The following SLC30A8 variants were observed in gnomAD, a reference collection of about 807,000 sequenced individuals.
SLC30A8 encodes the protein solute carrier family 30 member 8.
SLC30A8 carries 27 observed loss-of-function variants against 36.9 expected under a neutral mutation model. The ratio of observed to expected loss-of-function variants is 0.73; its 90% CI spans 0.54 to 1.01. SLC30A8 has a LOEUF of 1.01. Among genes scored for constraint, SLC30A8 ranks in the 50% least tolerant of loss-of-function variants. The pLI is 0.00. For synonymous variants in SLC30A8, 164 were observed against 172.4 expected (o/e 0.95, Z 0.38); for missense variants, 439 against 452.0 (o/e 0.97, Z 0.26).
chr8:117,126,253 T>C (rs1820900262), intron 2 of SLC30A8, among the ~76,000 whole-genome samples: 1 of 151,970 alleles, frequency 6.6e-6, no homozygotes, highest in Non-Finnish European at 1.5e-5. Context: ...GATAACAGGC[T>C]GGTTTTATGT....
At chr8:117,148,107 T>G (rs989961910) in intron 2 of SLC30A8, among the ~76,000 whole-genome samples, 2 of 152,074 alleles carry the variant, frequency 1.3e-5, no homozygotes, top group Non-Finnish European at 2.9e-5. Flanking sequence ...ATGTTTTAAA[T>G]TTTATATAGG....
At position 117,172,706 on chromosome 8, in the gene SLC30A8, A is replaced by G. The variant is rs780602046; in HGVS notation, c.*25A>G. The G allele has an allele frequency of 5.0e-6, 8 of 1,612,300 alleles. No homozygotes were observed. Among genetic ancestry groups the G allele is most frequent in the African/African-American group, 2.7e-5 (2 of 74,944 alleles). ...GCTCAGTCACACCGTCAGTTTCCCA[A>G]ATTTGACAGGCCACCTTCAAACATG... On this transcript the variant is annotated 3_prime_UTR_variant, in exon 8 of 8. Coordinates refer to ENST00000456015, the MANE Select transcript of SLC30A8 (RefSeq NM_173851.3).
At chr8:117,093,026 C>A (rs1819197377) in intron 2 of SLC30A8, among the ~76,000 whole-genome samples, 1 of 152,066 alleles carries the variant, frequency 6.6e-6, no homozygotes, top group Non-Finnish European at 1.5e-5. Flanking sequence ...TCACTACTTC[C>A]TAGTCTATCC....
At chr8:117,016,342 C>T (rs746482912) in intron 1 of SLC30A8, among the ~76,000 whole-genome samples, 5 of 152,208 alleles carry the variant, frequency 3.3e-5, no homozygotes, top group Non-Finnish European at 4.4e-5. Context: ...TGGTTTCAAA[C>T]ATTCTTTCTG....
At chr8:116,964,216 A>T (rs548313222) in intron 1 of SLC30A8, among the ~76,000 whole-genome samples, 1 of 152,326 alleles carries the variant, frequency 6.6e-6, no homozygotes, top group Admixed American at 6.5e-5. Context: ...GGAGGCATTA[A>T]AAAAGAGTAC....
intron 2 of SLC30A8, among the ~76,000 whole-genome samples, chr8:117,042,431 G>T (rs939024113): frequency 2.6e-5 from 4 of 152,170 alleles, no homozygotes; most frequent in African/African-American, 9.7e-5. Context: ...AACAGGCAGG[G>T]TTATTTGGAT....
rs541731241 is a variant in SLC30A8 at position 117,170,472 on chromosome 8, A to G, written c.830-562A>G. On this transcript the variant is annotated intron_variant, in intron 6 of 7. Coordinates refer to ENST00000456015, the MANE Select transcript of SLC30A8 (RefSeq NM_173851.3). ...GTATTATACAATGTTAGGATCCTCT[A>G]TTAGCACAGTTCACTAAATGACCTG... 3.3e-3 allele frequency among the ~76,000 whole-genome samples: 502 copies of G among 152,290 alleles called. 3 individuals carry two copies. The highest frequency in any genetic ancestry group is 8.7e-3 in the African/African-American group (363 of 41,592).
At chr8:117,132,109 T>C (rs911972275), upstream of SLC30A8, among the ~76,000 whole-genome samples, 5 of 152,014 alleles carry the variant, frequency 3.3e-5, no homozygotes, top group African/African-American at 1.2e-4. Flanking sequence ...GATGGTTGCA[T>C]GCACACATTG....
chr8:117,103,497 C>G (rs1215731418), intron 2 of SLC30A8, among the ~76,000 whole-genome samples: 1 of 146,164 alleles, frequency 6.8e-6, no homozygotes, highest in African/African-American at 2.6e-5. Flanking sequence ...TTGTTTGAGA[C>G]AGGGTCTCAC....
intron 1 of SLC30A8, among the ~76,000 whole-genome samples, chr8:116,997,211 G>A (rs74640824): frequency 0.031 from 4,762 of 152,140 alleles, 257 homozygotes; most frequent in African/African-American, 0.11. Flanking sequence ...TCATCTAGGG[G>A]CTAATGGGTT....
At chr8:117,138,627 C>G (rs936783464) in intron 1 of SLC30A8, among the ~76,000 whole-genome samples, 7 of 152,008 alleles carry the variant, frequency 4.6e-5, no homozygotes, top group African/African-American at 1.7e-4. Flanking sequence ...TTTCCTTCCT[C>G]TACCCAGCCT....
chr8:116,981,037 G>T (rs1189509909), intron 1 of SLC30A8, among the ~76,000 whole-genome samples: 2 of 152,168 alleles, frequency 1.3e-5, no homozygotes, highest in Non-Finnish European at 2.9e-5. Flanking sequence ...ACAAATTCAG[G>T]CAGGGCCCAT....
intron 2 of SLC30A8, among the ~76,000 whole-genome samples, chr8:117,100,446 C>G (rs1444221054): frequency 2.0e-5 from 3 of 152,152 alleles, no homozygotes; most frequent in Non-Finnish European, 4.4e-5. Flanking sequence ...CTTTGAGGCT[C>G]TAAGCCCCCA....
intron 1 of SLC30A8, among the ~76,000 whole-genome samples, chr8:117,019,252 A>T (rs1027572522): frequency 6.6e-6 from 1 of 152,212 alleles, no homozygotes; most frequent in African/African-American, 2.4e-5. Context: ...ACGCATTTTT[A>T]AAAACTGAAT....
At chr8:117,000,263 C>T (rs948688408) in intron 1 of SLC30A8, among the ~76,000 whole-genome samples, 5 of 152,138 alleles carry the variant, frequency 3.3e-5, no homozygotes, top group African/African-American at 9.6e-5. Flanking sequence ...GGGGAGTGGG[C>T]GCAAATTCCT....
intron 2 of SLC30A8, among the ~76,000 whole-genome samples, chr8:117,088,410 TC>T (rs1818965336): frequency 6.6e-6 from 1 of 152,166 alleles, no homozygotes; most frequent in South Asian, 2.1e-4. Context: ...TTAGTAGACC[TC>T]TTTCAAATTA....
chr8:117,118,263 C>T (rs544508568), intron 2 of SLC30A8, among the ~76,000 whole-genome samples: 4 of 151,532 alleles, frequency 2.6e-5, no homozygotes, highest in Admixed American at 6.6e-5. Context: ...AGCAACTGCC[C>T]ATCTGTCATC....
At chr8:117,171,642 G>C (rs1823393381) in intron 7 of SLC30A8, among the ~76,000 whole-genome samples, 1 of 152,062 alleles carries the variant, frequency 6.6e-6, no homozygotes, top group Non-Finnish European at 1.5e-5. Flanking sequence ...AATTATGGTG[G>C]GGTCCCACAC....
chr8:117,043,694 T>C (rs1817459945), intron 2 of SLC30A8, among the ~76,000 whole-genome samples: 1 of 152,218 alleles, frequency 6.6e-6, no homozygotes, highest in African/African-American at 2.4e-5. Context: ...ACTCAGAGAT[T>C]TGTGCAATTC....
Sources: allele counts gnomAD v4.1 joint callset (sites outside exome capture counted in the v4.1 genomes callset), GRCh38; gene constraint gnomAD v4.1.1; transcripts MANE v1.5; gene names NCBI Gene and HGNC (gene_info 2026-07-23, HGNC 2026-07-21).